Variants in RBMS3 observed in about 807,000 individuals in gnomAD.
RBMS3 encodes RNA-binding motif, single-stranded-interacting protein 3.
RBMS3 carries 27 observed loss-of-function variants against 66.8 expected under a neutral mutation model. The ratio of observed to expected loss-of-function variants is 0.40; its 90% CI spans 0.30 to 0.56. RBMS3 has a LOEUF of 0.56. Among genes scored for constraint, RBMS3 ranks in the 20% least tolerant of loss-of-function variants. The probability of loss-of-function intolerance (pLI) is 0.40; values close to 1 mark genes in which losing one functional copy is unlikely to be tolerated. For missense variants in RBMS3, 513 were observed against 549.5 expected, an observed-to-expected ratio of 0.93 and a Z score of 0.66; for synonymous variants, 188 against 183.0, an observed-to-expected ratio of 1.03 and a Z score of -0.22.
At chr3:29,943,854 C>T (rs77409004) in intron 11 of RBMS3, among the ~76,000 whole-genome samples, 2,220 of 151,676 alleles carry the variant, frequency 0.015, 62 homozygotes, top group African/African-American at 0.051. Context: ...ATGCTCTGGG[C>T]CCCCTCTAAA....
intron 6 of RBMS3, among the ~76,000 whole-genome samples, chr3:29,830,592 C>A (rs950884379): frequency 1.3e-5 from 2 of 152,096 alleles, no homozygotes; most frequent in African/African-American, 4.8e-5. Context: ...GCCTGGAAAG[C>A]TGCCTAGAGA....
At chr3:29,689,123 A>G (rs990816801) in intron 4 of RBMS3, among the ~76,000 whole-genome samples, 1 of 109,854 alleles carries the variant, frequency 9.1e-6, no homozygotes, top group African/African-American at 3.5e-5. Flanking sequence ...ATAGATATAG[A>G]TATAGATATA....
intron 1 of RBMS3, among the ~76,000 whole-genome samples, chr3:29,375,786 A>G (rs2038432939): frequency 6.6e-6 from 1 of 152,192 alleles, no homozygotes; most frequent in South Asian, 2.1e-4. Flanking sequence ...TGTGGAAGAC[A>G]ATGTGGGAAT....
chr3:29,902,071 G>A (rs918290316), intron 10 of RBMS3, among the ~76,000 whole-genome samples: 1 of 151,774 alleles, frequency 6.6e-6, no homozygotes, highest in African/African-American at 2.4e-5. Flanking sequence ...AAGAATTAAT[G>A]AGGAACTTGA....
At chr3:29,912,822 A>T (rs1392575863) in intron 10 of RBMS3, among the ~76,000 whole-genome samples, 1 of 152,020 alleles carries the variant, frequency 6.6e-6, no homozygotes, top group Admixed American at 6.6e-5. Flanking sequence ...CTGAGCCAGG[A>T]TGTTATTAAA....
intron 4 of RBMS3, among the ~76,000 whole-genome samples, chr3:29,619,107 A>G (rs1380652784): frequency 6.6e-6 from 1 of 152,084 alleles, no homozygotes; most frequent in Non-Finnish European, 1.5e-5. Flanking sequence ...ATGAGAACAC[A>G]TGGACACAGG....
rs906289607 is a variant in RBMS3 at position 29,991,414 on chromosome 3, C to G, written c.1307+205C>G. The G allele has an allele frequency of 7.3e-5, 51 of 700,302 alleles. 1 individual carries two copies. In the Middle Eastern group the frequency reaches 1.3e-3, roughly 17 times the overall value. The allele number at this position is 700,302 out of a possible 1,614,324, so 43.4% of individuals were successfully genotyped here. On this transcript the variant is annotated intron_variant, in intron 14 of 14. Transcript: ENST00000383767. ...TCTGATCTTGACAGGAATCAAACAT[C>G]TAGGAACAGCTGCTGATTATCTATG... is the stretch of plus-strand genomic sequence containing the variant.
chr3:29,902,572 A>T (rs2060282125), intron 10 of RBMS3, among the ~76,000 whole-genome samples: 1 of 151,984 alleles, frequency 6.6e-6, no homozygotes, highest in East Asian at 1.9e-4. Context: ...GCCCATTGAG[A>T]ATCTCCTTTT....
intron 1 of RBMS3, among the ~76,000 whole-genome samples, chr3:29,430,871 T>TA (rs2041156968): frequency 6.6e-6 from 1 of 152,134 alleles, no homozygotes; most frequent in Non-Finnish European, 1.5e-5. Flanking sequence ...CAAACAGCTT[T>TA]AAAAAGGCCC....
intron 4 of RBMS3, among the ~76,000 whole-genome samples, chr3:29,602,350 G>A (rs1307277075): frequency 6.6e-6 from 1 of 151,956 alleles, no homozygotes; most frequent in Non-Finnish European, 1.5e-5. Context: ...AGCATTTGCT[G>A]GGACACAGGA....
At chr3:29,458,604 C>T (rs976393084) in intron 2 of RBMS3, among the ~76,000 whole-genome samples, 23 of 152,052 alleles carry the variant, frequency 1.5e-4, no homozygotes, top group Non-Finnish European at 2.4e-4. Flanking sequence ...TTTAAAACTT[C>T]AAGTTATTGT....
At position 29,342,701 on chromosome 3, in the gene RBMS3, G is replaced by A. The variant is rs115778044; in HGVS notation, c.75+60945G>A. ...GAAACTTATGTTTTACTTCTACTTC[G>A]ATCAATTATATAGTCAGGTAAGTAT... On this transcript the variant is annotated intron_variant, in intron 1 of 14. Coordinates refer to ENST00000383767, the MANE Select transcript of RBMS3 (RefSeq NM_001003793.3). Among the ~76,000 whole-genome samples, 470 of 152,072 alleles carry A rather than the reference G, an allele frequency of 3.1e-3. 2 individuals are homozygous for A. The highest frequency in any genetic ancestry group is 0.011 in the African/African-American group (447 of 41,502).
intron 1 of RBMS3, among the ~76,000 whole-genome samples, chr3:29,421,633 C>T (rs2040740438): frequency 6.6e-6 from 1 of 152,010 alleles, no homozygotes; most frequent in South Asian, 2.1e-4. Flanking sequence ...GAATGACTTC[C>T]CTTATAAAAA....
chr3:29,408,327 G>A (rs978806260), intron 1 of RBMS3, among the ~76,000 whole-genome samples: 3 of 148,422 alleles, frequency 2.0e-5, no homozygotes, highest in Non-Finnish European at 3.0e-5. Flanking sequence ...AAATGTTTCT[G>A]TTTAATGTAC....
At chr3:29,301,897 G>C (rs1395937232) in intron 1 of RBMS3, among the ~76,000 whole-genome samples, 1 of 151,912 alleles carries the variant, frequency 6.6e-6, no homozygotes, top group Non-Finnish European at 1.5e-5. Context: ...GCAAACCAGA[G>C]GTGAAATTGC....
intron 6 of RBMS3, among the ~76,000 whole-genome samples, chr3:29,803,788 A>G (rs2057460227): frequency 6.6e-6 from 1 of 152,060 alleles, no homozygotes; most frequent in Non-Finnish European, 1.5e-5. Flanking sequence ...TAAGAAACAT[A>G]TTTTTAAATC....
chr3:29,309,850 G>A (rs1291044904), intron 1 of RBMS3, among the ~76,000 whole-genome samples: 5 of 151,602 alleles, frequency 3.3e-5, no homozygotes, highest in Admixed American at 3.3e-4. Context: ...GTGAAGAAGG[G>A]GGTGAAAACT....
chr3:29,517,816 G>A lies in RBMS3; in HGVS notation c.307+29317G>A, dbSNP rs116690235. 6.9e-3 allele frequency among the ~76,000 whole-genome samples: 1,047 copies of A among 152,256 alleles called. 14 individuals carry two copies. Among genetic ancestry groups the A allele is most frequent in the Non-Finnish European group, 0.011 (777 of 68,008 alleles). The stretch of plus-strand genomic sequence containing the variant: ...AAGGCAGATCAAAAACCTATTGAAA[G>A]ACAAAAATTGTAGTTGTGGGAAAAA... On this transcript the variant is annotated intron_variant, in intron 3 of 14. Transcript: ENST00000383767.
intron 4 of RBMS3, among the ~76,000 whole-genome samples, chr3:29,709,044 G>A (rs1410660923): frequency 6.6e-6 from 1 of 152,054 alleles, no homozygotes; most frequent in African/African-American, 2.4e-5. Flanking sequence ...CTCCCACTGG[G>A]GCCTGCTGAA....
Sources: allele counts gnomAD v4.1 joint callset (sites outside exome capture counted in the v4.1 genomes callset), GRCh38; gene constraint gnomAD v4.1.1; transcripts MANE v1.5; gene names NCBI Gene and HGNC (gene_info 2026-07-23, HGNC 2026-07-21).